Variants in SLC26A4 observed in about 807,000 individuals in gnomAD.
SLC26A4 encodes the protein solute carrier family 26 member 4, also known as pendrin.
SLC26A4 carries 93 observed loss-of-function variants against 90.4 expected under a neutral mutation model. The observed-to-expected ratio is 1.03, with a 90% CI of 0.87 to 1.22. The LOEUF is 1.22. SLC26A4 is among the 50% of genes most tolerant of loss of function. The pLI, the probability that SLC26A4 is intolerant of heterozygous loss-of-function variation, is 0.00. For missense variants in SLC26A4, 1,127 were observed against 946.2 expected, an observed-to-expected ratio of 1.19 and a Z score of -2.51; for synonymous variants, 393 against 354.6, an observed-to-expected ratio of 1.11 and a Z score of -1.22.
At chr7:107,686,441 C>CTTTCTTCCTTTCTTTCTT (rs1791419570) in intron 8 of SLC26A4, among the ~76,000 whole-genome samples, 1 of 116,726 alleles carries the variant, frequency 8.6e-6, no homozygotes, top group East Asian at 2.5e-4. Flanking sequence ...TTCTTTCTTT[C>CTTTCTTCCTTTCTTTCTT]TTTCTTTCTT....
intron 12 of SLC26A4, 113 bp from the exon 13 acceptor site, chr7:107,695,820 A>G (rs1791723955): frequency 3.9e-6 from 3 of 767,896 alleles, no homozygotes; most frequent in East Asian, 2.5e-5. Flanking sequence ...CTCAAAAGAA[A>G]AAAAAAAATG....
intron 14 of SLC26A4, among the ~76,000 whole-genome samples, chr7:107,698,597 G>T (rs546705711): frequency 5.3e-5 from 8 of 152,236 alleles, no homozygotes; most frequent in African/African-American, 1.2e-4. Context: ...GATTACAGGC[G>T]TGAGCCACTG....
Position 107,661,453 on chromosome 7 carries a change from T to C in SLC26A4, c.-3-186T>C, listed in dbSNP as rs1790546904. On this transcript the variant is annotated intron_variant, in intron 1 of 20. Transcript: ENST00000644269. This position sits in a 1 kb window ranked among gnomAD's most constrained non-coding sequence, Gnocchi z 5.1. ...GGTTCTCAGGTGCCCCCCTGCAGGC[T>C]GGCCGTGCGCGCCGTGGGGCGCTTG... The C allele has an allele frequency of 1.5e-6, 1 of 669,270 alleles. No individual in the cohort carries two copies. The highest frequency in any genetic ancestry group is 2.6e-6 in the Non-Finnish European group (1 of 385,626). The allele number at this position is 669,270 out of a possible 1,614,324, so 41.5% of individuals were successfully genotyped here. A position where few individuals can be genotyped will look rare whatever the true frequency, so the allele number is the denominator to read the frequency against.
At position 107,704,323 on chromosome 7, in the gene SLC26A4, AT is replaced by A; in HGVS notation, c.2035-3del. ...TAATTGTTACAAACTCTCCTTTTTT[AT>A]TTTTAGATTGTCAAAGAATTCCAAA... is the stretch of plus-strand genomic sequence containing the variant. On this transcript the variant is annotated splice_polypyrimidine_tract_variant and splice_region_variant and intron_variant, in intron 17 of 20. Coordinates refer to ENST00000644269, the MANE Select transcript of SLC26A4 (RefSeq NM_000441.2). 2.3e-6 allele frequency: 3 copies of A among 1,296,660 alleles called. No homozygotes were observed. The highest frequency in any genetic ancestry group is 3.3e-6 in the Non-Finnish European group (3 of 896,848). 80.3% of individuals were successfully genotyped at this position (1,296,660 alleles called of 1,614,324 possible). A position where few individuals can be genotyped will look rare whatever the true frequency, so the allele number is the denominator to read the frequency against.
At chr7:107,679,959 A>AATCTT (rs1349884348) in intron 6 of SLC26A4, among the ~76,000 whole-genome samples, 2 of 124,028 alleles carry the variant, frequency 1.6e-5, no homozygotes, top group African/African-American at 7.1e-5. Context: ...TATATAATAT[A>AATCTT]ATCTTATTAT....
chr7:107,714,386 T>G (rs1322073799), intron 20 of SLC26A4, among the ~76,000 whole-genome samples: 1 of 152,204 alleles, frequency 6.6e-6, no homozygotes, highest in Non-Finnish European at 1.5e-5. Context: ...AATCAGGCAG[T>G]AAGGATGACA....
Position 107,704,355 on chromosome 7 carries a change from G to C in SLC26A4, c.2059G>C (p.Asp687His). The change falls in exon 18 of 21, where the codon GAT becomes CAT. Residue 687 changes from aspartate (D) to histidine (H), a missense_variant. By Grantham distance (81) the Asp-to-His change is moderately conservative. Transcript: ENST00000644269. ...RVIVKEFQRI[D>H]VNVYFASLQD... ...GATTGTCAAAGAATTCCAAAGAATT[G>C]ATGTGAATGTGTATTTTGCATCACT... 7.1e-7 allele frequency: 1 copy of C among 1,399,430 alleles called. No homozygotes were observed. Among genetic ancestry groups the C allele is most frequent in the Non-Finnish European group, 1.0e-6 (1 of 988,498 alleles). The allele number at this position is 1,399,430 out of a possible 1,614,324, so 86.7% of individuals were successfully genotyped here.
chr7:107,693,178 A>C, intron 10 of SLC26A4: 1 of 407,004 alleles, frequency 2.5e-6, no homozygotes, highest in Non-Finnish European at 3.3e-6. Flanking sequence ...AAGGAAAGCG[A>C]AGAGAAGGGA....
chr7:107,710,679 A>G (rs145273633), intron 19 of SLC26A4, among the ~76,000 whole-genome samples: 246 of 152,332 alleles, frequency 1.6e-3, no homozygotes, highest in African/African-American at 5.4e-3. Context: ...ATTTTTCCCT[A>G]CAAAATAGAA....
rs965983868 is a variant in SLC26A4, at chr7:107,690,059, A to C, written c.1150-65A>C. The C allele has an allele frequency of 4.3e-6, 4 of 924,926 alleles. No individual in the cohort carries two copies. The Admixed American group carries it at 6.8e-5, about 16-fold the overall frequency. The allele number at this position is 924,926 out of a possible 1,614,324, so 57.3% of individuals were successfully genotyped here. ...TTTCATTCTTAATGTACTTCCTGAA[A>C]TACTCAGCGAAGGTCTTGCAAAGAT... On this transcript the variant is annotated intron_variant, in intron 9 of 20. Transcript: ENST00000644269.
chr7:107,712,793 G>A (rs1792227806), intron 20 of SLC26A4, among the ~76,000 whole-genome samples, 171 bp downstream of exon 20: 1 of 152,186 alleles, frequency 6.6e-6, no homozygotes, highest in Admixed American at 6.5e-5. Flanking sequence ...CTCCCTTGAA[G>A]ACATTAAGTA....
intron 17 of SLC26A4, among the ~76,000 whole-genome samples, 175 bp downstream of exon 17, chr7:107,702,232 G>A (rs1791915260): frequency 6.6e-6 from 1 of 152,208 alleles, no homozygotes; most frequent in South Asian, 2.1e-4. Context: ...GACTACCTGG[G>A]GGAGATACTG....
At position 107,680,300 on chromosome 7, in the gene SLC26A4, A is replaced by AATCTTATCTTATT. The variant is rs79285399; in HGVS notation, c.766-2900_766-2899insCTTATCTTATTAT. Among the ~76,000 whole-genome samples the AATCTTATCTTATT allele has an allele frequency of 1.4e-3, 49 of 36,156 alleles. 1 individual carries two copies. The highest frequency in any genetic ancestry group is 0.01 in the African/African-American group (47 of 4,620). The allele number at this position is 36,156 out of a possible 152,430, so 23.7% of individuals were successfully genotyped here. On this transcript the variant is annotated intron_variant, in intron 6 of 20. Coordinates refer to ENST00000644269, the MANE Select transcript of SLC26A4 (RefSeq NM_000441.2). ...ATAATATAATCTTATCTTATTATAT[A>AATCTTATCTTATT]ATATAATCTTATATTATTATATAAT... is the stretch of plus-strand genomic sequence containing the variant.
intron 3 of SLC26A4, 112 bp from the exon 4 acceptor site, chr7:107,672,026 G>A (rs1306773097): frequency 6.8e-6 from 5 of 733,260 alleles, no homozygotes; most frequent in Non-Finnish European, 1.3e-5. Context: ...AATGCATATT[G>A]CTTTTGCATC....
intron 10 of SLC26A4, chr7:107,693,325 C>G: frequency 1.0e-6 from 1 of 985,302 alleles, no homozygotes; most frequent in Non-Finnish European, 1.2e-6. Context: ...GTACCTCATA[C>G]ACATCATATT....
intron 20 of SLC26A4, 46 bp from the exon 21 acceptor site, chr7:107,715,377 G>A: frequency 6.6e-7 from 1 of 1,517,046 alleles, no homozygotes; most frequent in Non-Finnish European, 9.2e-7. Flanking sequence ...CAGACTTAAG[G>A]AGAATTCAGT....
chr7:107,697,974 G>T (rs1791785338), intron 13 of SLC26A4, 68 bp from the exon 14 acceptor site: 2 of 1,000,438 alleles, frequency 2.0e-6, no homozygotes, highest in African/African-American at 3.2e-5. Context: ...AGTAGCTGTT[G>T]TTTTTAACTT....
chr7:107,711,887 T>A (rs949763711), intron 19 of SLC26A4, among the ~76,000 whole-genome samples: 1 of 152,222 alleles, frequency 6.6e-6, no homozygotes, highest in South Asian at 2.1e-4. Context: ...AATTGGGCTA[T>A]TTGTGAGTTG....
At chr7:107,675,231 C>T (rs1030980923) in intron 6 of SLC26A4, 122 bp downstream of exon 6, 25 of 862,372 alleles carry the variant, frequency 2.9e-5, no homozygotes, top group African/African-American at 3.5e-5. Context: ...TTTGGAAGGC[C>T]GAGGTGGGCA....
Sources: allele counts gnomAD v4.1 joint callset (sites outside exome capture counted in the v4.1 genomes callset), GRCh38; gene constraint gnomAD v4.1.1; non-coding constraint Gnocchi (gnomAD v3.1); transcripts MANE v1.5; gene names NCBI Gene and HGNC (gene_info 2026-07-23, HGNC 2026-07-21).